Variants in ADAMTSL1 observed in about 807,000 individuals in gnomAD.
ADAMTSL1 encodes ADAMTS-like protein 1.
In ADAMTSL1, 126 loss-of-function variants were observed where a neutral mutation model predicts 201.8. That is an observed-to-expected ratio of 0.62 (90% CI 0.54 to 0.72). The LOEUF is 0.72. Among genes scored for constraint, ADAMTSL1 ranks in the 30% least tolerant of loss-of-function variants. The pLI, the probability that ADAMTSL1 is intolerant of heterozygous loss-of-function variation, is 0.00. For synonymous variants in ADAMTSL1, 1,121 were observed against 903.4 expected (o/e 1.24, Z -4.32); for missense variants, 2,679 against 2,277.8 (o/e 1.18, Z -3.59).
intron 9 of ADAMTSL1, among the ~76,000 whole-genome samples, chr9:18,668,468 AG>A (rs1829605956): frequency 6.6e-6 from 1 of 152,148 alleles, no homozygotes; most frequent in Non-Finnish European, 1.5e-5. Context: ...TACACTTTAA[AG>A]TTTTTTAAAG....
intron 23 of ADAMTSL1, among the ~76,000 whole-genome samples, chr9:18,853,510 A>G (rs947681679): frequency 1.3e-5 from 2 of 152,212 alleles, no homozygotes; most frequent in African/African-American, 4.8e-5. Flanking sequence ...GGAGTCATTG[A>G]TCATCAGAAA....
intron 1 of ADAMTSL1, among the ~76,000 whole-genome samples, chr9:17,941,898 A>G (rs1192107217): frequency 6.6e-6 from 1 of 152,074 alleles, no homozygotes; most frequent in Admixed American, 6.6e-5. Flanking sequence ...CTGTGTTCTC[A>G]TGTGGTAGAA....
intron 23 of ADAMTSL1, among the ~76,000 whole-genome samples, chr9:18,878,899 G>A (rs1217868201): frequency 6.6e-6 from 1 of 152,192 alleles, no homozygotes; most frequent in African/African-American, 2.4e-5. Context: ...CAGGGAGTGG[G>A]AGGTGCCAGT....
intron 1 of ADAMTSL1, among the ~76,000 whole-genome samples, chr9:18,083,809 C>T (rs996244338): frequency 8.5e-5 from 13 of 152,152 alleles, no homozygotes; most frequent in African/African-American, 2.9e-4. Flanking sequence ...TACCACCCTC[C>T]ACAATACAAC....
Position 18,504,852 on chromosome 9 carries a change from G to A in ADAMTSL1, c.87G>A (p.Glu29=). The change falls in exon 2 of 29, where the codon GAG becomes GAA. Residue 29 remains glutamate (E), a synonymous_variant. Transcript: ENST00000380548. ...AGAGTTCCAGGACCGCACGCTCCGA[G>A]GAGGACCGGGACGGCCTATGGGATG... ...LLLSSRTARS[E]EDRDGLWDAW... 6.2e-7 allele frequency: 1 copy of A among 1,614,152 alleles called. No individual in the cohort carries two copies.
chr9:18,603,345 GC>G (rs1334752822), intron 4 of ADAMTSL1, among the ~76,000 whole-genome samples: 12 of 20,880 alleles, frequency 5.7e-4, no homozygotes, highest in Non-Finnish European at 9.5e-4. Flanking sequence ...AAAGCTATAT[GC>G]TATGCTATGC....
At chr9:18,461,820 G>A (rs914870743) in intron 2 of ADAMTSL1, among the ~76,000 whole-genome samples, 6 of 152,100 alleles carry the variant, frequency 3.9e-5, no homozygotes, top group African/African-American at 9.7e-5. Context: ...ACAGTTAGAA[G>A]ATAAATAGTT....
chr9:18,131,405 T>C (rs1479486319), intron 1 of ADAMTSL1, among the ~76,000 whole-genome samples: 2 of 152,182 alleles, frequency 1.3e-5, no homozygotes, highest in Non-Finnish European at 2.9e-5. Flanking sequence ...GTCAAGGTTG[T>C]ATGAGTGCTG....
chr9:18,792,951 T>G (rs1157924292), intron 19 of ADAMTSL1, among the ~76,000 whole-genome samples: 4 of 152,216 alleles, frequency 2.6e-5, no homozygotes, highest in Admixed American at 1.3e-4. Flanking sequence ...GATGAGTGAA[T>G]GAATGGTTGG....
chr9:18,110,261 C>G (rs1001331660), intron 1 of ADAMTSL1, among the ~76,000 whole-genome samples: 1 of 152,180 alleles, frequency 6.6e-6, no homozygotes, highest in Admixed American at 6.5e-5. Flanking sequence ...TAATTCTCAG[C>G]TCTCTGGCAT....
At chr9:18,883,581 T>C (rs1266883719) in intron 23 of ADAMTSL1, among the ~76,000 whole-genome samples, 2 of 152,208 alleles carry the variant, frequency 1.3e-5, no homozygotes, top group Non-Finnish European at 2.9e-5. Flanking sequence ...CCTCCCTCCC[T>C]TCTCCCAGCC....
intron 9 of ADAMTSL1, among the ~76,000 whole-genome samples, chr9:18,673,492 T>A (rs1158891732): frequency 6.6e-6 from 1 of 152,274 alleles, no homozygotes; most frequent in Non-Finnish European, 1.5e-5. Context: ...ATAGTTTTGC[T>A]GAATCCAGGT....
intron 2 of ADAMTSL1, among the ~76,000 whole-genome samples, chr9:18,183,065 C>G (rs994468131): frequency 6.6e-6 from 1 of 152,190 alleles, no homozygotes; most frequent in East Asian, 1.9e-4. Flanking sequence ...ATCAGACTTT[C>G]TCTTTCTGCC....
At chr9:18,786,705 T>C (rs1269980440) in intron 19 of ADAMTSL1, among the ~76,000 whole-genome samples, 1 of 152,204 alleles carries the variant, frequency 6.6e-6, no homozygotes, top group Non-Finnish European at 1.5e-5. Context: ...TAGGTAGTTG[T>C]TCAAAGAGTT....
chr9:18,496,344 A>G (rs1187229280), intron 1 of ADAMTSL1, among the ~76,000 whole-genome samples: 1 of 152,250 alleles, frequency 6.6e-6, no homozygotes, highest in Non-Finnish European at 1.5e-5. Flanking sequence ...TAAGCCAGGG[A>G]GAATGTTTTA....
chr9:18,488,723 C>T (rs760771035), intron 1 of ADAMTSL1, among the ~76,000 whole-genome samples: 1 of 152,188 alleles, frequency 6.6e-6, no homozygotes, highest in East Asian at 1.9e-4. Context: ...TTATTACTCT[C>T]TCCCTGCAAG....
intron 23 of ADAMTSL1, among the ~76,000 whole-genome samples, chr9:18,852,091 A>G (rs1826533198): frequency 1.3e-5 from 2 of 152,124 alleles, no homozygotes; most frequent in African/African-American, 4.8e-5. Context: ...ACCTACTCCA[A>G]CAAATCCATC....
intron 2 of ADAMTSL1, among the ~76,000 whole-genome samples, chr9:18,187,111 G>A (rs1172462933): frequency 2.0e-5 from 3 of 152,152 alleles, no homozygotes; most frequent in Non-Finnish European, 4.4e-5. Context: ...GGTGTTCCCA[G>A]TAAGTAACTC....
In ADAMTSL1 at chr9:18,905,891, G is replaced by T; in HGVS notation, c.4961G>T (p.Arg1654Met). The T allele has an allele frequency of 1.2e-6, 2 of 1,605,186 alleles. No individual in the cohort carries two copies. The highest frequency in any genetic ancestry group is 1.7e-5 in the Admixed American group (1 of 59,242). ...TCAGAGCAGTGCAGTGCTCTTCCGA[G>T]GTAAGAGAAAGCCCTGAATCTCCTT... ...LPSEQCSALP[R>M]PVSTQNCWSE... The change falls in exon 27 of 29, where the codon AGG (arginine) becomes ATG (methionine). Residue 1654 changes from arginine (R) to methionine (M), a missense_variant and splice_region_variant. Arg to Met is a moderately conservative substitution (Grantham distance 91). Transcript: ENST00000380548.
Sources: allele counts gnomAD v4.1 joint callset (sites outside exome capture counted in the v4.1 genomes callset), GRCh38; gene constraint gnomAD v4.1.1; transcripts MANE v1.5; gene names NCBI Gene and HGNC (gene_info 2026-07-23, HGNC 2026-07-21).